The following MAGI2 variants were observed in gnomAD, a reference collection of about 807,000 sequenced individuals.
The protein encoded by MAGI2 is membrane-associated guanylate kinase, WW and PDZ domain-containing protein 2.
MAGI2 carries 35 observed loss-of-function variants against 133.3 expected under a neutral mutation model. The ratio of observed to expected loss-of-function variants is 0.26; its 90% CI spans 0.20 to 0.35. The LOEUF is 0.35. Ranked by LOEUF, MAGI2 falls within the 10% of genes least tolerant of loss-of-function variation. The probability of loss-of-function intolerance (pLI) is 1.00; values close to 1 mark genes in which losing one functional copy is unlikely to be tolerated. For synonymous variants in MAGI2, 729 were observed against 710.6 expected, an observed-to-expected ratio of 1.03 and a Z score of -0.41; for missense variants, 1,636 against 1,863.4, an observed-to-expected ratio of 0.88 and a Z score of 2.25.
intron 6 of MAGI2, among the ~76,000 whole-genome samples, chr7:78,373,126 A>T (rs1402075270): frequency 6.6e-6 from 1 of 152,176 alleles, no homozygotes; most frequent in Non-Finnish European, 1.5e-5. Flanking sequence ...CCGGCCAGGA[A>T]TGCCATTTTG....
At chr7:78,299,107 C>T (rs371676671) in intron 9 of MAGI2, among the ~76,000 whole-genome samples, 3 of 152,070 alleles carry the variant, frequency 2.0e-5, no homozygotes, top group South Asian at 2.1e-4. Flanking sequence ...CGTGAGCTAC[C>T]GTGCCTGGCT....
At chr7:78,371,438 AT>A (rs1156514613) in intron 6 of MAGI2, among the ~76,000 whole-genome samples, 1 of 152,000 alleles carries the variant, frequency 6.6e-6, no homozygotes, top group African/African-American at 2.4e-5. Context: ...TTCAATAAAC[AT>A]AAAGAGTAAA....
chr7:78,555,906 G>C (rs569046213), intron 3 of MAGI2, among the ~76,000 whole-genome samples: 5 of 152,278 alleles, frequency 3.3e-5, no homozygotes, highest in African/African-American at 1.2e-4. Context: ...TGGGTGGACT[G>C]AAGTCTCAAA....
chr7:78,558,837 G>GTTTTTT (rs10691115), intron 3 of MAGI2, among the ~76,000 whole-genome samples: 6 of 130,054 alleles, frequency 4.6e-5, no homozygotes, highest in African/African-American at 5.9e-5. Flanking sequence ...TTGAGACACC[G>GTTTTTT]TTTTTTTTTT....
intron 1 of MAGI2, among the ~76,000 whole-genome samples, chr7:79,429,615 T>C (rs1243469842): frequency 6.6e-6 from 1 of 152,186 alleles, no homozygotes; most frequent in Admixed American, 6.5e-5. Context: ...AATTCTATTA[T>C]ATTTCTTAAT....
At chr7:79,393,943 G>A (rs968302817) in intron 1 of MAGI2, among the ~76,000 whole-genome samples, 1 of 152,112 alleles carries the variant, frequency 6.6e-6, no homozygotes, top group Non-Finnish European at 1.5e-5. Flanking sequence ...GAGCTACTAG[G>A]GAGCCTAGCC....
chr7:78,231,652 A>G (rs947806158), intron 10 of MAGI2, among the ~76,000 whole-genome samples: 6 of 152,218 alleles, frequency 3.9e-5, no homozygotes, highest in Admixed American at 3.3e-4. Context: ...GCCTTCCTCA[A>G]GTTTGCTAAC....
At chr7:78,295,043 G>A (rs979891128) in intron 9 of MAGI2, among the ~76,000 whole-genome samples, 1 of 152,034 alleles carries the variant, frequency 6.6e-6, no homozygotes, top group Non-Finnish European at 1.5e-5. Context: ...TCTGATAATG[G>A]CAAAATAATG....
chr7:78,389,172 T>C (rs1227165329), intron 6 of MAGI2, among the ~76,000 whole-genome samples: 2 of 152,186 alleles, frequency 1.3e-5, no homozygotes, highest in Non-Finnish European at 2.9e-5. Flanking sequence ...AGCAACTTAA[T>C]AGAGACACAA....
chr7:79,133,072 C>A (rs1166572477), intron 1 of MAGI2, among the ~76,000 whole-genome samples: 1 of 152,046 alleles, frequency 6.6e-6, no homozygotes, highest in East Asian at 1.9e-4. Flanking sequence ...GTGTAGTTTG[C>A]AAATATTTTC....
At chr7:78,103,531 T>A (rs1481738551) in intron 20 of MAGI2, among the ~76,000 whole-genome samples, 1 of 152,238 alleles carries the variant, frequency 6.6e-6, no homozygotes, top group Non-Finnish European at 1.5e-5. Context: ...GTTTAATTAT[T>A]ACAAAAACTC....
intron 6 of MAGI2, among the ~76,000 whole-genome samples, chr7:78,430,008 C>T (rs185385721): frequency 2.6e-5 from 4 of 152,168 alleles, no homozygotes; most frequent in Admixed American, 2.6e-4. Flanking sequence ...GCTACATTGC[C>T]CTTCTTCATT....
At chr7:79,145,790 C>T (rs185108657) in intron 1 of MAGI2, among the ~76,000 whole-genome samples, 108 of 152,242 alleles carry the variant, frequency 7.1e-4, no homozygotes, top group Admixed American at 2.2e-3. Flanking sequence ...TTTTCTCTAA[C>T]CAAGGCTGAT....
At chr7:78,414,539 C>G (rs1798130008) in intron 6 of MAGI2, among the ~76,000 whole-genome samples, 1 of 151,884 alleles carries the variant, frequency 6.6e-6, no homozygotes. Context: ...AATTCAATAA[C>G]TCCTAATTTT....
intron 15 of MAGI2, among the ~76,000 whole-genome samples, chr7:78,162,515 ACT>A (rs1342400081): frequency 1.4e-5 from 2 of 141,124 alleles, no homozygotes; most frequent in Non-Finnish European, 3.0e-5. Flanking sequence ...ACAGAGCGAG[ACT>A]CTGCCTCAAA....
chr7:78,512,776 A>G (rs1429379340), intron 4 of MAGI2, among the ~76,000 whole-genome samples: 2 of 152,206 alleles, frequency 1.3e-5, no homozygotes, highest in Admixed American at 6.5e-5. Context: ...TTTTTCTTCT[A>G]TATCTAAAAC....
chr7:78,987,175 T>A (rs989201301), intron 2 of MAGI2, among the ~76,000 whole-genome samples: 1 of 151,846 alleles, frequency 6.6e-6, no homozygotes, highest in Non-Finnish European at 1.5e-5. Flanking sequence ...GGCAAGGAGG[T>A]GAAGTTTTAT....
intron 3 of MAGI2, among the ~76,000 whole-genome samples, chr7:78,575,941 G>A (rs1177143948): frequency 6.6e-6 from 1 of 152,028 alleles, no homozygotes; most frequent in Non-Finnish European, 1.5e-5. Flanking sequence ...TATCAACATA[G>A]GTTTATTAGT....
rs990999483 is a variant in MAGI2, at chr7:78,497,094, C to A, written c.965+4483G>T. ...AAGGTGGGTCCTTGATATGTAATAA[C>A]TCATTTGAATTCACATATTCTCATT... On this transcript the variant is annotated intron_variant, in intron 5 of 21. Transcript: ENST00000354212. 2.0e-5 allele frequency among the ~76,000 whole-genome samples: 3 copies of A among 150,676 alleles called. No individual in the cohort carries two copies. In the East Asian group the frequency reaches 5.8e-4, roughly 29 times the overall value.
Sources: gnomAD v4.1 joint callset for allele counts (sites outside exome capture counted in the v4.1 genomes callset) on GRCh38, gnomAD v4.1.1 for gene constraint, MANE v1.5 for transcripts, NCBI Gene and HGNC (gene_info 2026-07-23, HGNC 2026-07-21) for gene names.